Variants in KCNK2 observed in about 807,000 individuals in gnomAD.
The protein encoded by KCNK2 is potassium two pore domain channel subfamily K member 2.
A neutral mutation model predicts 40.5 loss-of-function variants in KCNK2; 21 were observed. The ratio of observed to expected loss-of-function variants is 0.52; its 90% confidence interval spans 0.37 to 0.75. The LOEUF (loss-of-function observed/expected upper bound fraction) is 0.75, where lower values mean the gene tolerates loss of function less well. Among genes scored for constraint, KCNK2 ranks in the 30% least tolerant of loss-of-function variants. The probability of loss-of-function intolerance (pLI) is 0.00; values close to 1 mark genes in which losing one functional copy is unlikely to be tolerated. For synonymous variants in KCNK2, 191 were observed against 202.2 expected, an observed-to-expected ratio of 0.94 and a Z score of 0.47; for missense variants, 399 against 531.6, an observed-to-expected ratio of 0.75 and a Z score of 2.45.
chr1:215,149,353 A>T, intron 3 of KCNK2, among the ~76,000 whole-genome samples: 1 of 152,172 alleles, frequency 6.6e-6, no homozygotes, highest in Non-Finnish European at 1.5e-5. Flanking sequence ...AGATGCCATG[A>T]GTGTTCGGGA....
intron 1 of KCNK2, among the ~76,000 whole-genome samples, chr1:215,060,569 C>T (rs1311921906): frequency 2.6e-5 from 4 of 152,128 alleles, no homozygotes; most frequent in Non-Finnish European, 5.9e-5. Flanking sequence ...AAGAAACGTT[C>T]ATGCCATGTA....
intron 1 of KCNK2, among the ~76,000 whole-genome samples, chr1:215,060,066 T>C (rs938478106): frequency 6.6e-6 from 1 of 152,088 alleles, no homozygotes; most frequent in African/African-American, 2.4e-5. Context: ...CTCTTAGTTG[T>C]GATATTTGCT....
At chr1:215,219,164 A>G (rs1446442087) in intron 6 of KCNK2, among the ~76,000 whole-genome samples, 1 of 152,204 alleles carries the variant, frequency 6.6e-6, no homozygotes, top group African/African-American at 2.4e-5. Context: ...GATTTTACCA[A>G]CTAGACATTT....
chr1:215,185,368 T>C (rs1664391497), intron 5 of KCNK2, among the ~76,000 whole-genome samples: 1 of 152,150 alleles, frequency 6.6e-6, no homozygotes, highest in Non-Finnish European at 1.5e-5. Context: ...CAGGTCCTTG[T>C]GTCCAGGGAG....
intron 1 of KCNK2, among the ~76,000 whole-genome samples, chr1:215,031,642 T>C (rs79168609): frequency 1.3e-5 from 2 of 151,802 alleles, no homozygotes; most frequent in South Asian, 4.1e-4. Flanking sequence ...AAATCTTAAA[T>C]ATTTCAGTCC....
chr1:215,209,476 T>TAATATAAAATATATATTA (rs1553274203), intron 6 of KCNK2, among the ~76,000 whole-genome samples: 2 of 43,194 alleles, frequency 4.6e-5, no homozygotes, highest in East Asian at 1.4e-3. Flanking sequence ...ATAATATATA[T>TAATATAAAATATATATTA]TATATATAAT....
chr1:215,133,599 CA>C (rs1661766600), intron 3 of KCNK2, among the ~76,000 whole-genome samples: 1 of 150,900 alleles, frequency 6.6e-6, no homozygotes, highest in South Asian at 2.1e-4. Context: ...AATTAGGCTG[CA>C]TGTTTGTTTT....
intron 1 of KCNK2, among the ~76,000 whole-genome samples, chr1:215,030,991 T>G (rs767735264): frequency 6.6e-6 from 1 of 152,184 alleles, no homozygotes; most frequent in African/African-American, 2.4e-5. Flanking sequence ...CATCATTTGT[T>G]GAAAAGACCT....
At chr1:215,148,214 G>A (rs1662521035) in intron 3 of KCNK2, among the ~76,000 whole-genome samples, 1 of 149,122 alleles carries the variant, frequency 6.7e-6, no homozygotes, top group Non-Finnish European at 1.5e-5. Context: ...TGAGCTACTG[G>A]GACTGCAGGT....
chr1:215,123,387 CT>C (rs898143375), intron 2 of KCNK2, among the ~76,000 whole-genome samples: 1 of 150,802 alleles, frequency 6.6e-6, no homozygotes, highest in Non-Finnish European at 1.5e-5. Context: ...TTCTTTATGC[CT>C]TTTTGTATTT....
chr1:215,066,446 T>C (rs1033012439), intron 1 of KCNK2, among the ~76,000 whole-genome samples: 2 of 150,514 alleles, frequency 1.3e-5, no homozygotes, highest in African/African-American at 4.9e-5. Flanking sequence ...AAATACTATT[T>C]AATAAAGACA....
intron 6 of KCNK2, among the ~76,000 whole-genome samples, chr1:215,208,766 G>A (rs767944983): frequency 6.8e-4 from 104 of 151,960 alleles, no homozygotes; most frequent in Non-Finnish European, 1.3e-3. Flanking sequence ...TTTTTTCAAG[G>A]AATTTCTCAC....
At chr1:215,182,264 A>T (rs1387149144) in intron 5 of KCNK2, among the ~76,000 whole-genome samples, 2 of 152,100 alleles carry the variant, frequency 1.3e-5, no homozygotes, top group East Asian at 1.9e-4. Flanking sequence ...GGGCAGAGCT[A>T]TTCAGGCTGC....
intron 1 of KCNK2, among the ~76,000 whole-genome samples, chr1:215,011,513 A>G (rs746861006): frequency 1.3e-5 from 2 of 152,122 alleles, no homozygotes; most frequent in Admixed American, 6.5e-5. Flanking sequence ...GGCTGGTCTC[A>G]AACTCCAGGA....
At chr1:215,113,083 A>T (rs1660767769) in intron 2 of KCNK2, among the ~76,000 whole-genome samples, 1 of 152,200 alleles carries the variant, frequency 6.6e-6, no homozygotes, top group African/African-American at 2.4e-5. Flanking sequence ...AGTTAACATT[A>T]TACTGGACAC....
intron 2 of KCNK2, among the ~76,000 whole-genome samples, chr1:215,100,858 G>A (rs181879358): frequency 4.8e-4 from 73 of 152,110 alleles, no homozygotes; most frequent in Non-Finnish European, 5.6e-4. Context: ...TTTATCATTC[G>A]TGTAAAAGAA....
intron 1 of KCNK2, among the ~76,000 whole-genome samples, chr1:215,084,966 T>C (rs1177350546): frequency 2.0e-5 from 3 of 152,212 alleles, no homozygotes; most frequent in African/African-American, 7.2e-5. Flanking sequence ...AAGCTTCTTT[T>C]TGATGGGGAA....
At chr1:215,057,171 G>C (rs1227779351) in intron 1 of KCNK2, among the ~76,000 whole-genome samples, 1 of 151,102 alleles carries the variant, frequency 6.6e-6, no homozygotes, top group East Asian at 1.9e-4. Flanking sequence ...GCCCATGCTT[G>C]GGACAATAGC....
chr1:215,149,996 TCATGATGACTAAAA>T (rs1662613770), intron 3 of KCNK2, among the ~76,000 whole-genome samples: 1 of 152,164 alleles, frequency 6.6e-6, no homozygotes, highest in Non-Finnish European at 1.5e-5. Flanking sequence ...ACCAGGGCTA[TCATGATGACTAAAA>T]CATGGCCCCT....
Sources: allele counts gnomAD v4.1 joint callset (sites outside exome capture counted in the v4.1 genomes callset), GRCh38; gene constraint gnomAD v4.1.1; transcripts MANE v1.5; gene names NCBI Gene and HGNC (gene_info 2026-07-23, HGNC 2026-07-21).